Variants in FOXP2 observed in about 807,000 individuals in gnomAD.
FOXP2 encodes forkhead box protein P2.
FOXP2 carries 12 observed loss-of-function variants against 115.8 expected under a neutral mutation model. The observed-to-expected ratio is 0.10, with a 90% CI of 0.07 to 0.17. The LOEUF (loss-of-function observed/expected upper bound fraction) is 0.17. Among genes scored for constraint, FOXP2 ranks in the 10% least tolerant of loss-of-function variants. FOXP2 has a pLI of 1.00. For synonymous variants in FOXP2, 328 were observed against 297.7 expected (o/e 1.10, Z -1.05); for missense variants, 629 against 843.5 (o/e 0.75, Z 3.15).
At chr7:114,598,013 C>G (rs1304385675) in intron 3 of FOXP2, among the ~76,000 whole-genome samples, 1 of 152,080 alleles carries the variant, frequency 6.6e-6, no homozygotes, top group Non-Finnish European at 1.5e-5. Flanking sequence ...TCTTATATCC[C>G]TGATACTTTG....
chr7:114,380,889 G>T (rs1057110448), intron 2 of FOXP2, among the ~76,000 whole-genome samples: 1 of 152,198 alleles, frequency 6.6e-6, no homozygotes, highest in Admixed American at 6.5e-5. Flanking sequence ...TTGCAAGCTT[G>T]TCCTTTGGAC....
At chr7:114,346,519 TCAAA>T (rs1236817859) in intron 2 of FOXP2, among the ~76,000 whole-genome samples, 1 of 151,784 alleles carries the variant, frequency 6.6e-6, no homozygotes, top group Non-Finnish European at 1.5e-5. Context: ...GAATACGGAA[TCAAA>T]CTAAGTGTCC....
chr7:114,579,119 CTATGTGTCAGATAAATATGTAT>C (rs1801713971), intron 3 of FOXP2, among the ~76,000 whole-genome samples: 1 of 152,062 alleles, frequency 6.6e-6, no homozygotes, highest in African/African-American at 2.4e-5. Context: ...TGTTTGTTTA[CTATGTGTCAGATAAATATGTAT>C]TAACAATTAA....
chr7:114,253,352 A>G (rs1269231269), intron 1 of FOXP2, among the ~76,000 whole-genome samples: 2 of 151,706 alleles, frequency 1.3e-5, no homozygotes, highest in Non-Finnish European at 2.9e-5. Flanking sequence ...ATCCTTGTTA[A>G]CTTTCTGTCT....
intron 1 of FOXP2, among the ~76,000 whole-genome samples, chr7:114,169,859 A>G (rs1249377917): frequency 6.6e-6 from 1 of 152,078 alleles, no homozygotes; most frequent in East Asian, 1.9e-4. Flanking sequence ...GCCTCAGGAG[A>G]TCTGATGGTT....
At chr7:114,330,790 A>G (rs946768660) in intron 2 of FOXP2, among the ~76,000 whole-genome samples, 1 of 152,126 alleles carries the variant, frequency 6.6e-6, no homozygotes, top group Admixed American at 6.6e-5. Flanking sequence ...ATCCGACAAT[A>G]ATATCTGTTT....
chr7:114,669,804 A>T (rs1217253229), intron 16 of FOXP2: 1 of 152,034 alleles, frequency 6.6e-6, no homozygotes, highest in East Asian at 1.9e-4. Context: ...GAATTTAATG[A>T]TGTACCCACC....
At chr7:114,094,839 T>G (rs1265881438) in intron 1 of FOXP2, among the ~76,000 whole-genome samples, 1 of 152,012 alleles carries the variant, frequency 6.6e-6, no homozygotes, top group Non-Finnish European at 1.5e-5. Context: ...TTTTAAAATT[T>G]TATAAAGATG....
chr7:114,171,943 G>T (rs2129153047), intron 1 of FOXP2, among the ~76,000 whole-genome samples: 1 of 152,240 alleles, frequency 6.6e-6, no homozygotes, highest in Admixed American at 6.5e-5. Flanking sequence ...GACATAAGTG[G>T]AGGAAATAAC....
At chr7:114,540,217 C>G (rs1799587145) in intron 3 of FOXP2, among the ~76,000 whole-genome samples, 1 of 151,760 alleles carries the variant, frequency 6.6e-6, no homozygotes, top group African/African-American at 2.4e-5. Context: ...AGAGTGTTTT[C>G]CCCTGCTATA....
chr7:114,274,603 CTTTTTTTTTTTTTTT>C lies in FOXP2; in HGVS notation c.-101-13401_-101-13387del, dbSNP rs71157577. On this transcript the variant is annotated intron_variant, in intron 1 of 17. Transcript: ENST00000634411. ...TGGATTGGTTTTTTCCCTCTCAAAGCTTTTTTTTTTTTTTTTTTTTTTTTTTTTTGAGGCAGGATC... is the reference window on the plus strand; with the variant it reads ...TGGATTGGTTTTTTCCCTCTCAAAGCTTTTTTTTTTTTTTGAGGCAGGATC... Among the ~76,000 whole-genome samples, 5 of 42,578 alleles carry C rather than the reference CTTTTTTTTTTTTTTT, an allele frequency of 1.2e-4. 1 individual carries two copies. In the South Asian group the frequency reaches 5.6e-3, roughly 48 times the overall value. 27.9% of individuals were successfully genotyped at this position (42,578 alleles called of 152,430 possible). A position where few individuals can be genotyped will look rare whatever the true frequency, so the allele number is the denominator to read the frequency against.
At chr7:114,476,492 T>C (rs1796268609) in intron 2 of FOXP2, among the ~76,000 whole-genome samples, 1 of 152,102 alleles carries the variant, frequency 6.6e-6, no homozygotes, top group Non-Finnish European at 1.5e-5. Flanking sequence ...TCTGTTTTTA[T>C]ATCAGTACCA....
chr7:114,611,416 A>T (rs1563032881), intron 3 of FOXP2, among the ~76,000 whole-genome samples: 1 of 152,184 alleles, frequency 6.6e-6, no homozygotes, highest in Non-Finnish European at 1.5e-5. Flanking sequence ...ACCACATTCC[A>T]CATAACATTT....
At chr7:114,575,032 G>A (rs1425182523) in intron 3 of FOXP2, among the ~76,000 whole-genome samples, 1 of 151,820 alleles carries the variant, frequency 6.6e-6, no homozygotes. Flanking sequence ...GGATAGTGAT[G>A]CTTTTTAAAA....
chr7:114,381,667 G>A (rs1001289915), intron 2 of FOXP2, among the ~76,000 whole-genome samples: 1 of 152,168 alleles, frequency 6.6e-6, no homozygotes, highest in African/African-American at 2.4e-5. Flanking sequence ...GTACAGCTGG[G>A]TATAGAGGAA....
chr7:114,138,433 C>T (rs1006919990), intron 1 of FOXP2, among the ~76,000 whole-genome samples: 1 of 151,008 alleles, frequency 6.6e-6, no homozygotes, highest in Admixed American at 6.6e-5. Context: ...ACACTGTCGC[C>T]TGGGCTGGAG....
intron 1 of FOXP2, among the ~76,000 whole-genome samples, chr7:114,285,735 A>G (rs1334478574): frequency 6.6e-6 from 1 of 151,912 alleles, no homozygotes; most frequent in Non-Finnish European, 1.5e-5. Context: ...CCTGATTGCT[A>G]GTGATTTTAT....
chr7:114,369,360 TTGGTAC>T (rs1791950833), intron 2 of FOXP2, among the ~76,000 whole-genome samples: 1 of 152,284 alleles, frequency 6.6e-6, no homozygotes, highest in East Asian at 1.9e-4. Context: ...GGGGTGAATT[TTGGTAC>T]TGATGTTCCT....
intron 1 of FOXP2, among the ~76,000 whole-genome samples, chr7:114,098,349 C>A (rs1308391289): frequency 6.6e-6 from 1 of 152,068 alleles, no homozygotes; most frequent in Admixed American, 6.6e-5. Context: ...CTGTGGTAAT[C>A]AAAACAGTAT....
Sources: allele counts gnomAD v4.1 joint callset (sites outside exome capture counted in the v4.1 genomes callset), GRCh38; gene constraint gnomAD v4.1.1; transcripts MANE v1.5; gene names NCBI Gene and HGNC (gene_info 2026-07-23, HGNC 2026-07-21).